Variants in CSMD3 observed in about 807,000 individuals in gnomAD.
CSMD3 encodes CUB and Sushi multiple domains 3.
In CSMD3, 177 loss-of-function variants were observed where a neutral mutation model predicts 435.2. That is an observed-to-expected ratio of 0.41 (90% confidence interval 0.36 to 0.46). CSMD3 has a LOEUF of 0.46. CSMD3 is among the 20% of genes least tolerant of loss of function. The pLI is 0.34. For synonymous variants in CSMD3, 1,656 were observed against 1,520.5 expected (o/e 1.09, Z -2.07); for missense variants, 4,265 against 4,504.6 (o/e 0.95, Z 1.52).
At chr8:112,930,694 T>A (rs1249332912) in intron 9 of CSMD3, among the ~76,000 whole-genome samples, 2 of 152,108 alleles carry the variant, frequency 1.3e-5, no homozygotes, top group African/African-American at 4.8e-5. Context: ...CTCTTGACGT[T>A]TTTACCAGTT....
chr8:113,358,847 G>A (rs2094252025), intron 1 of CSMD3, among the ~76,000 whole-genome samples: 1 of 151,976 alleles, frequency 6.6e-6, no homozygotes, highest in South Asian at 2.1e-4. Context: ...GATAAGAGTA[G>A]TAGCTCTGGA....
chr8:112,632,434 T>C (rs1489422313), intron 22 of CSMD3, among the ~76,000 whole-genome samples: 1 of 152,022 alleles, frequency 6.6e-6, no homozygotes, highest in African/African-American at 2.4e-5. Context: ...GAAGATGTAT[T>C]AAATGGGGGA....
At chr8:112,862,477 G>A (rs231326) in intron 10 of CSMD3, among the ~76,000 whole-genome samples, 147,018 of 152,040 alleles carry the variant, frequency 0.97, 71,105 homozygotes, top group East Asian at 1. Flanking sequence ...AGCACAGGAT[G>A]ATTAGGAGGT....
intron 3 of CSMD3, among the ~76,000 whole-genome samples, chr8:113,272,413 G>C (rs2093535701): frequency 6.6e-6 from 1 of 152,170 alleles, no homozygotes; most frequent in Non-Finnish European, 1.5e-5. Context: ...CCCCCATACT[G>C]TTCTTGTGGT....
In CSMD3 at chr8:112,407,653, G is replaced by C. The variant is rs367935413; in HGVS notation, c.5605+665C>G. 7.9e-5 allele frequency among the ~76,000 whole-genome samples: 12 copies of C among 152,086 alleles called. No homozygotes were observed. The East Asian group carries it at 2.3e-3, about 29-fold the overall frequency. On this transcript the variant is annotated intron_variant, in intron 34 of 70. Transcript: ENST00000297405. ...TAAATGGGGTAAGAAGGTTTAATAG[G>C]AATAACAAATCACAAATGTTTATAC...
At chr8:112,490,062 T>C (rs1340973895) in intron 31 of CSMD3, among the ~76,000 whole-genome samples, 2 of 152,182 alleles carry the variant, frequency 1.3e-5, no homozygotes, top group African/African-American at 2.4e-5. Context: ...CAAGATGTGA[T>C]GCATGTTTAT....
In CSMD3 at chr8:113,202,652, G is replaced by A. The variant is rs2092727020; in HGVS notation, c.515-28736C>T. ...GAACTTGGTAAGCACTTATGTCAAG[G>A]TTGCCTAGTTTTTCCATCATTCTTA... On this transcript the variant is annotated intron_variant, in intron 3 of 70. Coordinates refer to ENST00000297405, the MANE Select transcript of CSMD3 (RefSeq NM_198123.2). Among the ~76,000 whole-genome samples the A allele has an allele frequency of 2.0e-5, 3 of 152,048 alleles. No homozygotes were observed. The South Asian group carries it at 6.2e-4, about 32-fold the overall frequency.
chr8:112,254,946 T>C, intron 62 of CSMD3, among the ~76,000 whole-genome samples: 1 of 152,222 alleles, frequency 6.6e-6, no homozygotes, highest in South Asian at 2.1e-4. Context: ...TGAAGATTCT[T>C]TATTAACTAT....
intron 9 of CSMD3, among the ~76,000 whole-genome samples, chr8:112,929,270 T>G (rs2083020492): frequency 6.7e-6 from 1 of 149,318 alleles, no homozygotes; most frequent in African/African-American, 2.5e-5. Flanking sequence ...GAGATATACC[T>G]AATGCTAGAT....
chr8:113,202,686 T>A (rs974254106), intron 3 of CSMD3, among the ~76,000 whole-genome samples: 1 of 152,136 alleles, frequency 6.6e-6, no homozygotes, highest in African/African-American at 2.4e-5. Context: ...TAGAACCTTA[T>A]GTAGTTCAGG....
At chr8:112,421,539 CT>C (rs1164340809) in intron 32 of CSMD3, among the ~76,000 whole-genome samples, 4 of 117,998 alleles carry the variant, frequency 3.4e-5, no homozygotes. Flanking sequence ...GGAGGACCCC[CT>C]GTAAAAGATA....
intron 23 of CSMD3, among the ~76,000 whole-genome samples, chr8:112,581,912 G>T (rs1295707482): frequency 6.6e-6 from 1 of 152,008 alleles, no homozygotes; most frequent in Non-Finnish European, 1.5e-5. Flanking sequence ...GAGACCTGAA[G>T]GAAATGAGGG....
intron 13 of CSMD3, among the ~76,000 whole-genome samples, chr8:112,767,549 G>A (rs1205585364): frequency 6.6e-6 from 1 of 151,712 alleles, no homozygotes; most frequent in Admixed American, 6.6e-5. Context: ...AAACTAGTGA[G>A]TAATAATACC....
chr8:112,890,750 C>T (rs1009544523), intron 10 of CSMD3, among the ~76,000 whole-genome samples: 1 of 151,710 alleles, frequency 6.6e-6, no homozygotes, highest in East Asian at 2.0e-4. Context: ...AAGACAAAAC[C>T]TCAGCCATAT....
intron 1 of CSMD3, among the ~76,000 whole-genome samples, chr8:113,405,886 A>G (rs1250167189): frequency 6.6e-6 from 1 of 151,846 alleles, no homozygotes; most frequent in African/African-American, 2.4e-5. Flanking sequence ...TTCATGATTA[A>G]AAGGAACTTG....
intron 13 of CSMD3, among the ~76,000 whole-genome samples, chr8:112,765,500 T>C (rs2077955592): frequency 6.6e-6 from 1 of 151,656 alleles, no homozygotes; most frequent in Non-Finnish European, 1.5e-5. Flanking sequence ...AGTGAAATAA[T>C]AAGACAGTAT....
chr8:113,350,928 C>G (rs940903363), intron 1 of CSMD3, among the ~76,000 whole-genome samples: 2 of 151,958 alleles, frequency 1.3e-5, no homozygotes, highest in Non-Finnish European at 2.9e-5. Context: ...CCTAGATACC[C>G]CTTATGTTCT....
intron 1 of CSMD3, among the ~76,000 whole-genome samples, chr8:113,373,604 T>A (rs16884563): frequency 0.021 from 3,206 of 152,188 alleles, 122 homozygotes; most frequent in African/African-American, 0.073. Flanking sequence ...TTAACTTTAC[T>A]GGTATTTTGA....
chr8:112,541,869 G>A (rs13273650), intron 27 of CSMD3, among the ~76,000 whole-genome samples: 1 of 151,656 alleles, frequency 6.6e-6, no homozygotes, highest in African/African-American at 2.4e-5. Context: ...ATGAATACAT[G>A]TACAAAAATC....
Sources: gnomAD v4.1 joint callset for allele counts (sites outside exome capture counted in the v4.1 genomes callset) on GRCh38, gnomAD v4.1.1 for gene constraint, MANE v1.5 for transcripts, NCBI Gene and HGNC (gene_info 2026-07-23, HGNC 2026-07-21) for gene names.